The following MEGF6 variants were observed in gnomAD, a reference collection of about 807,000 sequenced individuals.
MEGF6 encodes multiple epidermal growth factor-like domains protein 6.
MEGF6 carries 184 observed loss-of-function variants against 207.1 expected under a neutral mutation model. The ratio of observed to expected loss-of-function variants is 0.89; its 90% CI spans 0.79 to 1.00. The LOEUF is 1.00. MEGF6 is among the 50% of genes least tolerant of loss of function. The pLI is 0.00. For synonymous variants in MEGF6, 1,038 were observed against 910.0 expected, an observed-to-expected ratio of 1.14 and a Z score of -2.53; for missense variants, 2,282 against 2,202.9, an observed-to-expected ratio of 1.04 and a Z score of -0.72.
chr1:3,505,143 C>T lies in MEGF6; in HGVS notation c.2188+65G>A, dbSNP rs1641053368. ...TGCAGCCCTTCTGAAGCCTACCCTC[C>T]AGCCAGGCAGGCAGCCTACACCCCA... On this transcript the variant is annotated intron_variant, in intron 17 of 36. Coordinates refer to ENST00000356575, the MANE Select transcript of MEGF6 (RefSeq NM_001409.4). The T allele has an allele frequency of 2.5e-6, 4 of 1,578,598 alleles. No homozygotes were observed. The South Asian group carries it at 3.5e-5, about 14-fold the overall frequency.
chr1:3,524,105 G>A lies in MEGF6; in HGVS notation c.604+19C>T. ...GGCTGAAGCCAGGAGCCCAGGCAGG[G>A]TCTCCAGGCGACACTCACCCAGGCA... On this transcript the variant is annotated intron_variant, in intron 5 of 36. Coordinates refer to ENST00000356575, the MANE Select transcript of MEGF6 (RefSeq NM_001409.4). 1 of 1,608,820 alleles carries A rather than the reference G, an allele frequency of 6.2e-7. No individual in the cohort carries two copies. The highest frequency in any genetic ancestry group is 8.5e-7 in the Non-Finnish European group (1 of 1,177,638).
At chr1:3,512,193 G>T (rs1641378055) in intron 7 of MEGF6, 65 bp from the exon 8 acceptor site, 3 of 1,534,254 alleles carry the variant, frequency 2.0e-6, no homozygotes, top group Non-Finnish European at 1.8e-6. Context: ...TGGGACCAGT[G>T]GAAGACAGTG....
At chr1:3,511,333 G>A (rs978549513) in intron 9 of MEGF6, among the ~76,000 whole-genome samples, 3 of 152,168 alleles carry the variant, frequency 2.0e-5, no homozygotes, top group Non-Finnish European at 4.4e-5. Flanking sequence ...CATGGGTATG[G>A]GCCTGGCGGG....
chr1:3,531,485 G>T (rs944423265), intron 4 of MEGF6: 1 of 1,066,644 alleles, frequency 9.4e-7, no homozygotes, highest in Non-Finnish European at 1.1e-6. Context: ...GGCCAAGTCC[G>T]CAGACAACCG....
chr1:3,579,903 G>A lies in MEGF6; in HGVS notation c.403C>T (p.His135Tyr), dbSNP rs1449132428. The A allele has an allele frequency of 6.5e-7, 1 of 1,537,310 alleles. No individual in the cohort carries two copies. The change falls in exon 4 of 37, where the codon CAC becomes TAC. Residue 135 changes from histidine to tyrosine, a missense_variant. Transcript: ENST00000356575. Reference sequence around the variant, plus strand: ...GAGCCTGGCACACAACGGCCACCGTGAAAACAGAGGCTGGCGCTGCATTCA... The same window carrying A: ...GAGCCTGGCACACAACGGCCACCGTAAAAACAGAGGCTGGCGCTGCATTCA... Reference protein sequence around the residue: ...SAECSASLCFHGGRCVPGSAQ... With the variant: ...SAECSASLCFYGGRCVPGSAQ...
chr1:3,596,134 G>A (rs1020573781), intron 2 of MEGF6, among the ~76,000 whole-genome samples: 7 of 152,104 alleles, frequency 4.6e-5, no homozygotes, highest in East Asian at 1.9e-4. Context: ...GCACCATGGC[G>A]GGCAGGCAGG....
At chr1:3,548,451 G>C (rs1642785903) in intron 4 of MEGF6, among the ~76,000 whole-genome samples, 1 of 152,246 alleles carries the variant, frequency 6.6e-6, no homozygotes, top group Non-Finnish European at 1.5e-5. Flanking sequence ...GAGGTCCATG[G>C]TGGGAATTTT....
intron 4 of MEGF6, among the ~76,000 whole-genome samples, chr1:3,527,567 A>C (rs1166148016): frequency 6.6e-6 from 1 of 152,202 alleles, no homozygotes; most frequent in East Asian, 1.9e-4. Flanking sequence ...ACCTTCACAA[A>C]GGCCAGGATG....
rs144793029 is a variant in MEGF6 at position 3,581,450 on chromosome 1, G to A, written c.377-1521C>T. ...GGGGCCAGGGGGCTGCAGGGAAGCC[G>A]GATGGAAGTTGCCATGACCCTGGAG... On this transcript the variant is annotated intron_variant, in intron 3 of 36. Coordinates refer to ENST00000356575, the MANE Select transcript of MEGF6 (RefSeq NM_001409.4). 1.0e-3 allele frequency among the ~76,000 whole-genome samples: 152 copies of A among 152,304 alleles called. 3 individuals are homozygous for A. The East Asian group carries it at 0.025, about 25-fold the overall frequency.
intron 30 of MEGF6, 69 bp downstream of exon 30, chr1:3,495,821 T>C (rs1225215383): frequency 6.5e-7 from 1 of 1,538,814 alleles, no homozygotes; most frequent in Non-Finnish European, 8.7e-7. Context: ...CCCTCCAGTG[T>C]CCCCACGGCT....
intron 4 of MEGF6, among the ~76,000 whole-genome samples, chr1:3,570,802 G>A (rs1232909975): frequency 6.6e-6 from 1 of 152,148 alleles, no homozygotes; most frequent in Non-Finnish European, 1.5e-5. Context: ...GCCCAGCCTG[G>A]TACCAGGCAC....
chr1:3,529,467 C>T (rs1316045779), intron 4 of MEGF6, among the ~76,000 whole-genome samples: 1 of 152,230 alleles, frequency 6.6e-6, no homozygotes, highest in Non-Finnish European at 1.5e-5. Flanking sequence ...CTGGGGGGAG[C>T]CATCTGGTGA....
At chr1:3,624,418 A>G in the MEGF6 span, 5 of 152,118 alleles carry the variant, frequency 3.3e-5, no homozygotes, top group Non-Finnish European at 7.3e-5. Flanking sequence ...GCATTCCAGC[A>G]CTTTCTACCC....
chr1:3,493,847 G>C lies in MEGF6; in HGVS notation c.4311C>G (p.Asp1437Glu), dbSNP rs373710804. ...TGACAGGGTCACAGGGTGCCCCCCCGTCACAGTCACAGCGCTGGTGGCAGC... is the reference window on the plus strand; with the variant it reads ...TGACAGGGTCACAGGGTGCCCCCCCCTCACAGTCACAGCGCTGGTGGCAGC... ...GEGCHQRCDC[D>E]GGAPCDPVTG... Residue 1437 changes from aspartate (D) to glutamate (E), a missense_variant, in exon 34 of 37, where the codon GAC becomes GAG. Transcript: ENST00000356575. 14 of 1,601,712 alleles carry C rather than the reference G, an allele frequency of 8.7e-6. No homozygotes were observed. The highest frequency in any genetic ancestry group is 5.6e-5 in the South Asian group (5 of 89,320).
chr1:3,611,418 C>T lies in MEGF6; in HGVS notation c.-150G>A. Reference sequence around the variant, plus strand: ...AAGGTCGCTGCAGGTGCGGAGCGTCCCGGCTTCCCGCCCGCGCCCAAAGTG... The same window carrying T: ...AAGGTCGCTGCAGGTGCGGAGCGTCTCGGCTTCCCGCCCGCGCCCAAAGTG... On this transcript the variant is annotated 5_prime_UTR_variant, in exon 1 of 37. Coordinates refer to ENST00000356575, the MANE Select transcript of MEGF6 (RefSeq NM_001409.4). 2 of 1,132,192 alleles carry T rather than the reference C, an allele frequency of 1.8e-6. No individual in the cohort carries two copies. The highest frequency in any genetic ancestry group is 4.7e-5 in the South Asian group (2 of 42,256). The allele number at this position is 1,132,192 out of a possible 1,614,324, so 70.1% of individuals were successfully genotyped here. A position where few individuals can be genotyped will look rare whatever the true frequency, so the allele number is the denominator to read the frequency against.
In MEGF6 at chr1:3,560,963, G is replaced by C. The variant is rs1643183151; in HGVS notation, c.481+18862C>G. 6.6e-6 allele frequency among the ~76,000 whole-genome samples: 1 copy of C among 152,152 alleles called. No homozygotes were observed. Among genetic ancestry groups the C allele is most frequent in the South Asian group, 2.1e-4 (1 of 4,822 alleles). ...GTGCCCCAGGGGCTTCGGAGGGCAGGGGTCAGCTCTAGGCCCTTCTGTACT... is the reference window on the plus strand; with the variant it reads ...GTGCCCCAGGGGCTTCGGAGGGCAGCGGTCAGCTCTAGGCCCTTCTGTACT... On this transcript the variant is annotated intron_variant, in intron 4 of 36. Coordinates refer to ENST00000356575, the MANE Select transcript of MEGF6 (RefSeq NM_001409.4). The surrounding 1 kb of genome is among the most constrained non-coding windows in gnomAD (Gnocchi z 4.0).
chr1:3,491,064 T>TC (rs1640337949), intron 35 of MEGF6, 105 bp from the exon 36 acceptor site: 8 of 871,492 alleles, frequency 9.2e-6, no homozygotes, highest in Middle Eastern at 5.7e-4. Context: ...GACCTCCACT[T>TC]CCCCCGCACA....
chr1:3,596,989 C>T (rs1644078384), intron 2 of MEGF6, among the ~76,000 whole-genome samples: 1 of 152,190 alleles, frequency 6.6e-6, no homozygotes, highest in African/African-American at 2.4e-5. Context: ...CTGCCCCCAA[C>T]AGGCCGCCAA....
intron 1 of MEGF6, among the ~76,000 whole-genome samples, chr1:3,607,744 G>A (rs1208199173): frequency 1.3e-5 from 2 of 152,242 alleles, no homozygotes; most frequent in East Asian, 1.9e-4. Flanking sequence ...ATCTGGGGGC[G>A]TGGAACAGGA....
Sources: gnomAD v4.1 joint callset for allele counts (sites outside exome capture counted in the v4.1 genomes callset) on GRCh38, gnomAD v4.1.1 for gene constraint, Gnocchi (gnomAD v3.1) non-coding constraint, MANE v1.5 for transcripts, NCBI Gene and HGNC (gene_info 2026-07-23, HGNC 2026-07-21) for gene names.